ZDHHC2: variants seen among roughly 807,000 people sequenced by gnomAD.
ZDHHC2 encodes the protein palmitoyltransferase ZDHHC2.
A neutral mutation model predicts 55.6 loss-of-function variants in ZDHHC2; 51 were observed. That is an observed-to-expected ratio of 0.92 (90% CI 0.73 to 1.16). The LOEUF (loss-of-function observed/expected upper bound fraction) is 1.16, where lower values mean the gene tolerates loss of function less well. Ranked by LOEUF, ZDHHC2 falls within the 50% of genes most tolerant of loss-of-function variation. ZDHHC2 has a pLI of 0.00. For synonymous variants in ZDHHC2, 199 were observed against 152.9 expected, an observed-to-expected ratio of 1.30 and a Z score of -2.22; for missense variants, 491 against 442.4, an observed-to-expected ratio of 1.11 and a Z score of -0.99.
chr8:17,171,963 C>T (rs1804876809), intron 1 of ZDHHC2, among the ~76,000 whole-genome samples: 1 of 151,862 alleles, frequency 6.6e-6, no homozygotes, highest in South Asian at 2.1e-4. Context: ...TCCTCAAGGA[C>T]TTAACTTGTG....
intron 3 of ZDHHC2, among the ~76,000 whole-genome samples, chr8:17,187,110 G>T (rs185810086): frequency 1.2e-4 from 19 of 152,326 alleles, no homozygotes; most frequent in Non-Finnish European, 2.4e-4. Context: ...CACAAGGAAG[G>T]GGGGAGTGTA....
At chr8:17,187,513 GGATGGTAAAAACCACAGATGT>G in intron 3 of ZDHHC2, among the ~76,000 whole-genome samples, 1 of 152,224 alleles carries the variant, frequency 6.6e-6, no homozygotes, top group Middle Eastern at 3.4e-3. Flanking sequence ...GCTTGGGAGA[GGATGGTAAAAACCACAGATGT>G]TTGCGCAGAA....
intron 1 of ZDHHC2, among the ~76,000 whole-genome samples, chr8:17,158,184 A>T (rs1563427439): frequency 6.6e-6 from 1 of 152,214 alleles, no homozygotes; most frequent in Admixed American, 6.5e-5. Flanking sequence ...TCGTCAAGTC[A>T]TCTAAAATAT....
intron 2 of ZDHHC2, among the ~76,000 whole-genome samples, chr8:17,185,473 A>G (rs994198815): frequency 2.0e-5 from 3 of 151,964 alleles, no homozygotes; most frequent in Non-Finnish European, 2.9e-5. Context: ...CCTGGCCAGC[A>G]TGGTGAAACC....
rs1585668497 is a variant in ZDHHC2, at chr8:17,178,962, T to C, written c.131-5827T>C. ...TGTCCTACTCTGTTTCTTTCTCTCT[T>C]TTTTTTGAGACAGGGTCACGCTCTG... On this transcript the variant is annotated intron_variant, in intron 1 of 12. Coordinates refer to ENST00000262096, the MANE Select transcript of ZDHHC2 (RefSeq NM_016353.5). 1.3e-5 allele frequency among the ~76,000 whole-genome samples: 2 copies of C among 152,264 alleles called. 1 individual carries two copies. The highest frequency in any genetic ancestry group is 1.3e-4 in the Admixed American group (2 of 15,292).
Position 17,197,574 on chromosome 8 carries a change from G to T in ZDHHC2, c.374-8G>T. The T allele has an allele frequency of 6.2e-7, 1 of 1,612,186 alleles. No individual in the cohort carries two copies. The highest frequency in any genetic ancestry group is 8.5e-7 in the Non-Finnish European group (1 of 1,178,976). ...ACTCTAAGACTAAGTGGAGCTTTTT[G>T]TCCCTAGCCATCCGATACTGTGACA... On this transcript the variant is annotated splice_polypyrimidine_tract_variant and splice_region_variant and intron_variant, in intron 4 of 12. Coordinates refer to ENST00000262096, the MANE Select transcript of ZDHHC2 (RefSeq NM_016353.5).
intron 1 of ZDHHC2, among the ~76,000 whole-genome samples, chr8:17,172,225 A>C (rs544672282): frequency 3.3e-5 from 5 of 152,354 alleles, no homozygotes; most frequent in African/African-American, 4.8e-5. Context: ...TTTCTAAACC[A>C]AAGTATAAAA....
At position 17,156,735 on chromosome 8, in the gene ZDHHC2, G is replaced by A. The variant is rs933566826; in HGVS notation, c.12G>A (p.Ser4=). The change falls in exon 1 of 13, where the codon TCG becomes TCA. Residue 4 remains serine (S), a synonymous_variant. Transcript: ENST00000262096. MAP[S]GPGSSARRRC... is the part of the protein sequence containing the mutation. ...GATGCGGCTGGAAGATGGCGCCCTC[G>A]GGCCCGGGCAGCAGCGCCAGGCGGC... is the stretch of plus-strand genomic sequence containing the variant. 8 of 1,479,610 alleles carry A rather than the reference G, an allele frequency of 5.4e-6. No homozygotes were observed. In the East Asian group the frequency reaches 9.0e-5, roughly 17 times the overall value. The allele number at this position is 1,479,610 out of a possible 1,614,324, so 91.7% of individuals were successfully genotyped here.
chr8:17,201,248 C>G (rs1370248613), intron 6 of ZDHHC2, among the ~76,000 whole-genome samples: 4 of 152,054 alleles, frequency 2.6e-5, no homozygotes, highest in South Asian at 2.1e-4. Flanking sequence ...TGTGCATAGC[C>G]TATAAACCCC....
At chr8:17,188,585 C>G (rs749683354) in intron 3 of ZDHHC2, among the ~76,000 whole-genome samples, 2 of 152,154 alleles carry the variant, frequency 1.3e-5, no homozygotes, top group Non-Finnish European at 2.9e-5. Context: ...ACTGCCAAAG[C>G]ATTGGAATGT....
intron 1 of ZDHHC2, among the ~76,000 whole-genome samples, chr8:17,162,446 G>A (rs1046797781): frequency 3.3e-5 from 5 of 152,170 alleles, no homozygotes; most frequent in South Asian, 2.1e-4. Context: ...ATTGGTACTT[G>A]CAGGAATGTT....
rs201318938 is a variant in ZDHHC2 at position 17,216,280 on chromosome 8, G to A, written c.1064-892G>A. Among the ~76,000 whole-genome samples the A allele has an allele frequency of 9.2e-5, 14 of 152,110 alleles. No homozygotes were observed. In the East Asian group the frequency reaches 1.2e-3, roughly 13 times the overall value. On this transcript the variant is annotated intron_variant, in intron 11 of 12. Coordinates refer to ENST00000262096, the MANE Select transcript of ZDHHC2 (RefSeq NM_016353.5). ...GAAACCTCTGGGATTTAGTGGTAGC[G>A]AAAAACAAATGGATGATCCTGAGTA...
chr8:17,173,512 C>CA lies in ZDHHC2; in HGVS notation c.131-11268dup, dbSNP rs199991466. ...ACAACAAAGGGAGATGCTATCGCTA[C>CA]AAAAAAAAATAAAATTATAAATTAG... On this transcript the variant is annotated intron_variant, in intron 1 of 12. Transcript: ENST00000262096. Among the ~76,000 whole-genome samples, 810 of 148,988 alleles carry CA rather than the reference C, an allele frequency of 5.4e-3. 6 individuals are homozygous for CA. Among genetic ancestry groups the CA allele is most frequent in the African/African-American group, 0.018 (728 of 40,578 alleles).
At chr8:17,199,598 CTTT>C (rs1806603951) in intron 6 of ZDHHC2, among the ~76,000 whole-genome samples, 1 of 39,160 alleles carries the variant, frequency 2.6e-5, no homozygotes, top group Non-Finnish European at 1.1e-4. Flanking sequence ...CTTTCTTCTT[CTTT>C]ATTCTTTCTT....
chr8:17,219,442 C>T lies in ZDHHC2; in HGVS notation c.*35-814C>T, dbSNP rs146501556. On this transcript the variant is annotated intron_variant, in intron 12 of 12. Transcript: ENST00000262096. Reference sequence around the variant, plus strand: ...AGTAAATTAAATTTAGCTTACCAACCTTTCCTATCATATGGTATAAATAAA... The same window carrying T: ...AGTAAATTAAATTTAGCTTACCAACTTTTCCTATCATATGGTATAAATAAA... 1.6e-4 allele frequency among the ~76,000 whole-genome samples: 24 copies of T among 151,824 alleles called. No homozygotes were observed. In the East Asian group the frequency reaches 4.7e-3, roughly 30 times the overall value.
rs1348636156 is a variant in ZDHHC2, at chr8:17,223,153, T to C, written c.*2932T>C. 1.3e-5 allele frequency: 2 copies of C among 151,930 alleles called. No individual in the cohort carries two copies. The highest frequency in any genetic ancestry group is 2.4e-5 in the African/African-American group (1 of 41,434). 9.4% of individuals were successfully genotyped at this position (151,930 alleles called of 1,614,324 possible). Reference sequence around the variant, plus strand: ...CAGATTTTCCCTATTTTGAAATGCATGTAAACGGGCTCGGCTGATTCTGAA... The same window carrying C: ...CAGATTTTCCCTATTTTGAAATGCACGTAAACGGGCTCGGCTGATTCTGAA... On this transcript the variant is annotated 3_prime_UTR_variant, in exon 13 of 13. Coordinates refer to ENST00000262096, the MANE Select transcript of ZDHHC2 (RefSeq NM_016353.5).
chr8:17,169,816 A>C (rs1022815423), intron 1 of ZDHHC2, among the ~76,000 whole-genome samples: 1 of 152,210 alleles, frequency 6.6e-6, no homozygotes, highest in African/African-American at 2.4e-5. Context: ...GAAGAGACTC[A>C]TTCCAAATAT....
At chr8:17,185,208 T>G (rs1274827873) in intron 2 of ZDHHC2, among the ~76,000 whole-genome samples, 1 of 152,228 alleles carries the variant, frequency 6.6e-6, no homozygotes, top group Admixed American at 6.5e-5. Context: ...AGTATCCTCA[T>G]TCTTTAGAAA....
At chr8:17,166,557 T>G (rs1804608738) in intron 1 of ZDHHC2, among the ~76,000 whole-genome samples, 1 of 152,076 alleles carries the variant, frequency 6.6e-6, no homozygotes, top group Admixed American at 6.5e-5. Flanking sequence ...TATAAGTGGA[T>G]TTAAAGACTT....
Sources: gnomAD v4.1 joint callset for allele counts (sites outside exome capture counted in the v4.1 genomes callset) on GRCh38, gnomAD v4.1.1 for gene constraint, MANE v1.5 for transcripts, NCBI Gene and HGNC (gene_info 2026-07-23, HGNC 2026-07-21) for gene names.